The following DLAT variants were observed in gnomAD, a reference collection of about 807,000 sequenced individuals.
The protein encoded by DLAT is dihydrolipoyllysine-residue acetyltransferase component of pyruvate dehydrogenase complex, mitochondrial.
DLAT carries 43 observed loss-of-function variants against 68.0 expected under a neutral mutation model. That is an observed-to-expected ratio of 0.63 (90% CI 0.50 to 0.81). DLAT has a LOEUF of 0.81. DLAT is among the 40% of genes least tolerant of loss of function. DLAT has a pLI of 0.00. For missense variants in DLAT, 745 were observed against 815.4 expected (o/e 0.91, Z 1.05); for synonymous variants, 265 against 288.6 (o/e 0.92, Z 0.83).
intron 7 of DLAT, among the ~76,000 whole-genome samples, chr11:112,040,813 A>G (rs1200175503): frequency 1.3e-5 from 2 of 152,158 alleles, no homozygotes; most frequent in African/African-American, 4.8e-5. Flanking sequence ...AATTATATCT[A>G]AAGAATTTAG....
rs782677556 is a variant in DLAT at position 112,028,847 on chromosome 11, A to C, written c.562A>C (p.Thr188Pro). ...NYTLDSSAAP[T>P]PQAAPAPTPA... ...TACACTGGATTCCTCAGCAGCACCTACCCCACAAGCGGCCCCAGCACCAAC... is the reference window on the plus strand; with the variant it reads ...TACACTGGATTCCTCAGCAGCACCTCCCCCACAAGCGGCCCCAGCACCAAC... Residue 188 changes from threonine (T) to proline (P), a missense_variant, in exon 4 of 14, where the codon ACC (threonine) becomes CCC (proline). Physicochemically the swap from Thr to Pro is conservative, Grantham distance 38. Transcript: ENST00000280346. 6.2e-7 allele frequency: 1 copy of C among 1,613,940 alleles called. No homozygotes were observed. The highest frequency in any genetic ancestry group is 1.3e-5 in the African/African-American group (1 of 74,874).
Position 112,045,400 on chromosome 11 carries a change from T to G in DLAT, c.1290+170T>G, listed in dbSNP as rs7122916. ...AATACTTGAATCACTTTGTTCCTAT[T>G]AGAAGGGCCAGGCGCAGTAGCTCAT... On this transcript the variant is annotated intron_variant, in intron 9 of 13. Transcript: ENST00000280346. 0.058 allele frequency among the ~76,000 whole-genome samples: 8,825 copies of G among 152,110 alleles called. 715 individuals are homozygous for G. The highest frequency in any genetic ancestry group is 0.18 in the African/African-American group (7,401 of 41,470).
chr11:112,058,229 A>G (rs934258417), intron 11 of DLAT, among the ~76,000 whole-genome samples: 1 of 152,202 alleles, frequency 6.6e-6, no homozygotes, highest in Non-Finnish European at 1.5e-5. Context: ...TTACTGTCTC[A>G]AAGGGAAGAT....
Position 112,025,597 on chromosome 11 carries a change from C to A in DLAT, c.125C>A (p.Pro42His), listed in dbSNP as rs1555179110. Residue 42 changes from proline to histidine, a missense_variant, in exon 1 of 14, where the codon CCC becomes CAC. Transcript: ENST00000280346. ...PRVTSRSGPAPARRNSVTTGY... is the reference protein window; with the variant it reads ...PRVTSRSGPAHARRNSVTTGY... ...GTGACCTCGCGATCTGGCCCGGCTC[C>A]CGCTCGTCGCAACAGCGTGACTACA... The A allele has an allele frequency of 6.2e-7, 1 of 1,613,984 alleles. No homozygotes were observed. Among genetic ancestry groups the A allele is most frequent in the Admixed American group, 1.7e-5 (1 of 60,032 alleles).
chr11:112,030,457 G>C, intron 4 of DLAT: 1 of 289,458 alleles, frequency 3.5e-6, no homozygotes. Flanking sequence ...TAGGTGTCAA[G>C]TGCTGTCTGT....
rs367745211 is a variant in DLAT, at chr11:112,025,616, G to C, written c.144G>C (p.Val48=). The change falls in exon 1 of 14, where the codon GTG becomes GTC. Residue 48 remains valine, a synonymous_variant. Coordinates refer to ENST00000280346, the MANE Select transcript of DLAT (RefSeq NM_001931.5). ...SGPAPARRNS[V]TTGYGGVRAL... ...CGGCTCCCGCTCGTCGCAACAGCGT[G>C]ACTACAGGGTATGGCGGGGTCCGGG... is the stretch of plus-strand genomic sequence containing the variant. The C allele has an allele frequency of 1.9e-6, 3 of 1,613,844 alleles. No homozygotes were observed. In the African/African-American group the frequency reaches 4.0e-5, roughly 22 times the overall value.
chr11:112,062,687 G>A lies in DLAT; in HGVS notation c.*152G>A. 1.1e-6 allele frequency: 1 copy of A among 925,584 alleles called. No individual in the cohort carries two copies. Among genetic ancestry groups the A allele is most frequent in the Admixed American group, 2.5e-5 (1 of 40,450 alleles). 57.3% of individuals were successfully genotyped at this position (925,584 alleles called of 1,614,324 possible). On this transcript the variant is annotated 3_prime_UTR_variant, in exon 14 of 14. Coordinates refer to ENST00000280346, the MANE Select transcript of DLAT (RefSeq NM_001931.5). ...TAAGTTATTTATAATGGGCATTACT[G>A]AATTTTTAAAATGCCGATTACACCC...
rs1199593534 is a variant in DLAT, at chr11:112,051,550, C to CTTGTTT, written c.1514+219_1514+224dup. On this transcript the variant is annotated intron_variant, in intron 11 of 13. Transcript: ENST00000280346. This position sits in a 1 kb window ranked among gnomAD's most constrained non-coding sequence, Gnocchi z 4.3. ...TTTCTTACTGGCCCCAATTTTCAAC[C>CTTGTTT]TTGTTTTTGTTTTTGTTTTTGTTGT... 2.0e-5 allele frequency among the ~76,000 whole-genome samples: 3 copies of CTTGTTT among 151,880 alleles called. No homozygotes were observed. Among genetic ancestry groups the CTTGTTT allele is most frequent in the Non-Finnish European group, 4.4e-5 (3 of 67,978 alleles).
intron 4 of DLAT, chr11:112,032,420 A>G (rs1351006557): frequency 6.6e-6 from 1 of 152,170 alleles, no homozygotes; most frequent in Non-Finnish European, 1.5e-5. Context: ...CTTTTAGGCC[A>G]CTTAAAAATC....
intron 11 of DLAT, among the ~76,000 whole-genome samples, chr11:112,055,235 A>ATTTTTTTTTTT (rs66865041): frequency 2.7e-5 from 2 of 75,444 alleles, no homozygotes; most frequent in Non-Finnish European, 4.9e-5. Context: ...GTCAAGGCCT[A>ATTTTTTTTTTT]TTTTTTTTTT....
intron 2 of DLAT, 52 bp downstream of exon 2, chr11:112,026,351 A>G: frequency 9.6e-7 from 1 of 1,045,394 alleles, no homozygotes; most frequent in Non-Finnish European, 1.3e-6. Flanking sequence ...TTTATTGATC[A>G]TTCTTGGGTG....
Position 112,063,404 on chromosome 11 carries a change from A to C in DLAT, c.*869A>C, listed in dbSNP as rs2135180669. 1 of 152,732 alleles carries C rather than the reference A, an allele frequency of 6.5e-6. No individual in the cohort carries two copies. The highest frequency in any genetic ancestry group is 1.9e-4 in the East Asian group (1 of 5,188). The allele number at this position is 152,732 out of a possible 1,614,324, so 9.5% of individuals were successfully genotyped here. On this transcript the variant is annotated 3_prime_UTR_variant, in exon 14 of 14. Coordinates refer to ENST00000280346, the MANE Select transcript of DLAT (RefSeq NM_001931.5). Reference sequence around the variant, plus strand: ...AGAATTTATGACTCCACTGTGGAAAATGCTATCAAATAACTAAGGAATATA... The same window carrying C: ...AGAATTTATGACTCCACTGTGGAAACTGCTATCAAATAACTAAGGAATATA...
chr11:112,061,288 CA>C (rs1318306581), intron 13 of DLAT, 114 bp downstream of exon 13: 21 of 1,098,440 alleles, frequency 1.9e-5, no homozygotes, highest in Non-Finnish European at 2.9e-5. Flanking sequence ...TCGTGATCCA[CA>C]ATGCTCAAGT....
At chr11:112,038,772 G>A (rs1212031464) in intron 6 of DLAT, among the ~76,000 whole-genome samples, 1 of 151,780 alleles carries the variant, frequency 6.6e-6, no homozygotes, top group African/African-American at 2.4e-5. Context: ...CTTGAACCCA[G>A]GAGGCGGAGG....
intron 11 of DLAT, among the ~76,000 whole-genome samples, chr11:112,058,635 G>GT (rs1352684409): frequency 8.2e-6 from 1 of 122,144 alleles, no homozygotes; most frequent in Non-Finnish European, 1.7e-5. Flanking sequence ...TGGGGGGGGG[G>GT]AATCACCTTT....
Position 112,059,885 on chromosome 11 carries a change from A to G in DLAT, c.1515-18A>G. 1 of 1,556,558 alleles carries G rather than the reference A, an allele frequency of 6.4e-7. No individual in the cohort carries two copies. Among genetic ancestry groups the G allele is most frequent in the Non-Finnish European group, 8.7e-7 (1 of 1,149,890 alleles). The stretch of plus-strand genomic sequence containing the variant: ...TAATAAACAGTTTTTTATTATATTT[A>G]TTTTTCTTTTTAAACAGAAATCATG... On this transcript the variant is annotated intron_variant, in intron 11 of 13. Coordinates refer to ENST00000280346, the MANE Select transcript of DLAT (RefSeq NM_001931.5).
At position 112,048,658 on chromosome 11, in the gene DLAT, C is replaced by T. The variant is rs1362644115; in HGVS notation, c.1399-2576C>T. ...AAGCAATTCTCGTCCCTCAGCCTCC[C>T]GAGTAGCTGGGATTACAGGTATGAG... On this transcript the variant is annotated intron_variant, in intron 10 of 13. Transcript: ENST00000280346. Among the ~76,000 whole-genome samples, 5 of 152,042 alleles carry T rather than the reference C, an allele frequency of 3.3e-5. No homozygotes were observed. The East Asian group carries it at 5.8e-4, about 18-fold the overall frequency.
rs782121401 is a variant in DLAT at position 112,028,980 on chromosome 11, ATTAC to A, written c.660+45_660+48del. On this transcript the variant is annotated intron_variant, in intron 4 of 13. Transcript: ENST00000280346. ...AGCCTCTGAGTTTTTGCTCTAGGTG[ATTAC>A]TTACTTACTCACTTTTTTTCATAGA... 14 of 1,612,964 alleles carry A rather than the reference ATTAC, an allele frequency of 8.7e-6. No individual in the cohort carries two copies. In the East Asian group the frequency reaches 8.9e-5, roughly 10 times the overall value.
At position 112,051,934 on chromosome 11, in the gene DLAT, T is replaced by C. The variant is rs1555182027; in HGVS notation, c.1514+585T>C. Among the ~76,000 whole-genome samples, 2 of 152,174 alleles carry C rather than the reference T, an allele frequency of 1.3e-5. No individual in the cohort carries two copies. The highest frequency in any genetic ancestry group is 2.9e-5 in the Non-Finnish European group (2 of 68,028). ...GTAGTATGGTACTCAGTGTGTCTCT[T>C]TTATCTCATTCAATTCTCATGACTA... On this transcript the variant is annotated intron_variant, in intron 11 of 13. Transcript: ENST00000280346. This position sits in a 1 kb window ranked among gnomAD's most constrained non-coding sequence, Gnocchi z 4.3.
Sources: allele counts gnomAD v4.1 joint callset (sites outside exome capture counted in the v4.1 genomes callset), GRCh38; gene constraint gnomAD v4.1.1; non-coding constraint Gnocchi (gnomAD v3.1); transcripts MANE v1.5; gene names NCBI Gene and HGNC (gene_info 2026-07-23, HGNC 2026-07-21).